Variants in CACNA1D observed in about 807,000 individuals in gnomAD.
The protein encoded by CACNA1D is voltage-dependent L-type calcium channel subunit alpha-1D.
Under a neutral mutation model 257.1 loss-of-function variants are expected in CACNA1D, and 55 were observed. That is an observed-to-expected ratio of 0.21 (90% CI 0.17 to 0.27). The LOEUF (loss-of-function observed/expected upper bound fraction) is 0.27. CACNA1D is among the 10% of genes least tolerant of loss of function. The pLI is 1.00. For synonymous variants in CACNA1D, 980 were observed against 1,014.9 expected (o/e 0.97, Z 0.65); for missense variants, 1,876 against 2,784.0 (o/e 0.67, Z 7.34).
chr3:53,764,239 G>A (rs1027561594), intron 30 of CACNA1D, among the ~76,000 whole-genome samples: 8 of 152,168 alleles, frequency 5.3e-5, no homozygotes, highest in African/African-American at 1.9e-4. Context: ...GGTGCTAATG[G>A]GAGAACAGCA....
chr3:53,745,645 G>C lies in CACNA1D; in HGVS notation c.3028G>C (p.Val1010Leu). 1 of 1,613,738 alleles carries C rather than the reference G, an allele frequency of 6.2e-7. No individual in the cohort carries two copies. The highest frequency in any genetic ancestry group is 2.2e-5 in the East Asian group (1 of 44,892). ...GCAGCACGTGGTCCAGTGCGTCTTCGTGGCCATCCGGACCATCGGCAACAT... is the reference window on the plus strand; with the variant it reads ...GCAGCACGTGGTCCAGTGCGTCTTCCTGGCCATCCGGACCATCGGCAACAT... ...GLKHVVQCVF[V>L]AIRTIGNIMI... is the part of the protein sequence containing the mutation. The change falls in exon 24 of 48, where the codon GTG (valine) becomes CTG (leucine). Residue 1010 changes from valine (V) to leucine (L), a missense_variant. Physicochemically the swap from Val to Leu is conservative, Grantham distance 32. Coordinates refer to ENST00000350061, the MANE Select transcript of CACNA1D (RefSeq NM_001128840.3).
At chr3:53,564,457 T>C (rs1007526955) in intron 3 of CACNA1D, among the ~76,000 whole-genome samples, 1 of 152,206 alleles carries the variant, frequency 6.6e-6, no homozygotes, top group Non-Finnish European at 1.5e-5. Flanking sequence ...TTTTGAATAC[T>C]CATTTATTAA....
chr3:53,595,113 A>C (rs2093354225), intron 3 of CACNA1D, among the ~76,000 whole-genome samples: 1 of 152,196 alleles, frequency 6.6e-6, no homozygotes, highest in African/African-American at 2.4e-5. Flanking sequence ...CTAATTGTTT[A>C]GCTATTAAAA....
chr3:53,714,899 A>G (rs2108660466), intron 9 of CACNA1D, among the ~76,000 whole-genome samples: 1 of 152,212 alleles, frequency 6.6e-6, no homozygotes, highest in East Asian at 1.9e-4. Flanking sequence ...TTGGGGCTAA[A>G]GGAAGGGAAA....
intron 3 of CACNA1D, among the ~76,000 whole-genome samples, chr3:53,516,611 C>G (rs181211293): frequency 1.1e-4 from 17 of 152,310 alleles, no homozygotes; most frequent in Admixed American, 9.8e-4. Context: ...AGCAGAAAGA[C>G]CAAGTACAGT....
intron 3 of CACNA1D, among the ~76,000 whole-genome samples, chr3:53,579,545 A>G (rs1460954462): frequency 1.3e-5 from 2 of 152,214 alleles, no homozygotes; most frequent in African/African-American, 4.8e-5. Flanking sequence ...AAAGATTTGT[A>G]GGGAATTTAC....
intron 46 of CACNA1D, chr3:53,809,569 A>G (rs923333126): frequency 6.2e-5 from 18 of 289,190 alleles, no homozygotes; most frequent in Admixed American, 4.1e-4. Flanking sequence ...CTCCAGAGCA[A>G]AGAGAACCAG....
At chr3:53,635,849 A>G (rs2093876924) in intron 3 of CACNA1D, among the ~76,000 whole-genome samples, 1 of 152,142 alleles carries the variant, frequency 6.6e-6, no homozygotes, top group African/African-American at 2.4e-5. Context: ...GCTGCCTCCC[A>G]AAATAGCCCC....
chr3:53,555,460 G>GTTTTTTTT (rs372133749), intron 3 of CACNA1D, among the ~76,000 whole-genome samples: 2 of 78,366 alleles, frequency 2.6e-5, no homozygotes, highest in African/African-American at 5.6e-5. Context: ...GTGTGTGTGT[G>GTTTTTTTT]TTTTTTTTTT....
chr3:53,600,126 T>C lies in CACNA1D; in HGVS notation c.484-50653T>C, dbSNP rs115587471. On this transcript the variant is annotated intron_variant, in intron 3 of 47. Transcript: ENST00000350061. Reference sequence around the variant, plus strand: ...GTTTGGCCCTTTGTCAGGGCCTCTGTCCTTGGGAACTGGTGGTTCCACCTG... The same window carrying C: ...GTTTGGCCCTTTGTCAGGGCCTCTGCCCTTGGGAACTGGTGGTTCCACCTG... Among the ~76,000 whole-genome samples, 373 of 152,378 alleles carry C rather than the reference T, an allele frequency of 2.4e-3. 1 individual carries two copies. Among genetic ancestry groups the C allele is most frequent in the Middle Eastern group, 0.014 (4 of 294 alleles).
intron 8 of CACNA1D, among the ~76,000 whole-genome samples, chr3:53,698,885 C>T (rs1183850498): frequency 1.3e-5 from 2 of 149,658 alleles, no homozygotes; most frequent in Non-Finnish European, 1.5e-5. Context: ...TGGTTTGGAA[C>T]AAGAAGACTC....
intron 3 of CACNA1D, among the ~76,000 whole-genome samples, chr3:53,537,323 T>C (rs149250075): frequency 1.7e-4 from 26 of 152,330 alleles, no homozygotes; most frequent in African/African-American, 5.3e-4. Context: ...TAATGAACCC[T>C]GTGTACCCAT....
At chr3:53,779,487 T>C (rs1461371708) in intron 37 of CACNA1D, among the ~76,000 whole-genome samples, 1 of 152,110 alleles carries the variant, frequency 6.6e-6, no homozygotes, top group Non-Finnish European at 1.5e-5. Context: ...CATGGGGAAT[T>C]GGCTCACGTG....
chr3:53,570,089 C>T lies in CACNA1D; in HGVS notation c.483+68369C>T, dbSNP rs375715760. Among the ~76,000 whole-genome samples the T allele has an allele frequency of 1.4e-4, 22 of 152,226 alleles. No homozygotes were observed. In the South Asian group the frequency reaches 3.5e-3, roughly 24 times the overall value. On this transcript the variant is annotated intron_variant, in intron 3 of 47. Coordinates refer to ENST00000350061, the MANE Select transcript of CACNA1D (RefSeq NM_001128840.3). ...GTAATTATTCCTTTTAAATACTGGC[C>T]GTTGGTCTTTGGTTCAGAACATAAT...
chr3:53,625,103 C>T (rs980339822), intron 3 of CACNA1D, among the ~76,000 whole-genome samples: 2 of 152,160 alleles, frequency 1.3e-5, no homozygotes, highest in Non-Finnish European at 2.9e-5. Flanking sequence ...TCCCTGGTAG[C>T]AGGCAGAGCT....
chr3:53,745,529 CT>C (rs1421646209), intron 23 of CACNA1D, 94 bp from the exon 24 acceptor site: 2 of 782,884 alleles, frequency 2.6e-6, no homozygotes, highest in Admixed American at 3.8e-5. Context: ...GTGTGAGCCA[CT>C]GTGCCTGGCC....
intron 3 of CACNA1D, among the ~76,000 whole-genome samples, chr3:53,562,147 C>G (rs2092751754): frequency 6.6e-6 from 1 of 152,216 alleles, no homozygotes; most frequent in Admixed American, 6.5e-5. Context: ...TGGCATTACC[C>G]TCTCTTGAGA....
chr3:53,763,355 C>G (rs1478841235), intron 30 of CACNA1D, among the ~76,000 whole-genome samples: 1 of 152,240 alleles, frequency 6.6e-6, no homozygotes, highest in African/African-American at 2.4e-5. Flanking sequence ...CACCTCTCCC[C>G]CTGCAAAATT....
At chr3:53,518,611 T>C (rs2091437253) in intron 3 of CACNA1D, among the ~76,000 whole-genome samples, 1 of 152,234 alleles carries the variant, frequency 6.6e-6, no homozygotes, top group African/African-American at 2.4e-5. Context: ...GCAACACTTG[T>C]CTTCAGAGCC....
Sources: gnomAD v4.1 joint callset for allele counts (sites outside exome capture counted in the v4.1 genomes callset) on GRCh38, gnomAD v4.1.1 for gene constraint, MANE v1.5 for transcripts, NCBI Gene and HGNC (gene_info 2026-07-23, HGNC 2026-07-21) for gene names.